Variants in THOC2 observed in about 807,000 individuals in gnomAD.
The protein encoded by THOC2 is THO complex 2.
THOC2 carries 10 observed loss-of-function variants against 128.4 expected under a neutral mutation model. That is an observed-to-expected ratio of 0.08 (90% CI 0.05 to 0.13). THOC2 has a LOEUF of 0.13. Among genes scored for constraint, THOC2 ranks in the 10% least tolerant of loss-of-function variants. The pLI, the probability that THOC2 is intolerant of heterozygous loss-of-function variation, is 1.00. For missense variants in THOC2, 535 were observed against 1,155.7 expected (o/e 0.46, Z 7.79); for synonymous variants, 393 against 396.9 (o/e 0.99, Z 0.12).
intron 32 of THOC2, chrX:123,619,801 GA>G (rs1364259051): frequency 1.5e-5 from 2 of 133,733 alleles, no homozygotes; most frequent in African/African-American, 6.4e-5. Context: ...CACTGTGGAA[GA>G]ACAACATTGC....
intron 14 of THOC2, 50 bp from the exon 15 acceptor site, chrX:123,644,726 T>C (rs772631233): frequency 8.6e-7 from 1 of 1,161,188 alleles, no homozygotes; most frequent in Admixed American, 2.3e-5. Context: ...CACTTAGAGG[T>C]TAATATACTA....
At chrX:123,609,944 G>A (rs189359474) in intron 38 of THOC2, among the ~76,000 whole-genome samples, 1 of 110,409 alleles carries the variant, frequency 9.1e-6, no homozygotes, top group Non-Finnish European at 1.9e-5. Context: ...CAGGAGAATC[G>A]CTTGGACCTG....
chrX:123,606,916 T>G (rs1177577628), intron 38 of THOC2, among the ~76,000 whole-genome samples: 1 of 111,690 alleles, frequency 9.0e-6, no homozygotes, highest in Non-Finnish European at 1.9e-5. Context: ...AAATGTCAGC[T>G]TAGCACAGCA....
intron 12 of THOC2, among the ~76,000 whole-genome samples, chrX:123,646,058 C>G (rs774098994): frequency 8.9e-6 from 1 of 111,777 alleles, no homozygotes; most frequent in South Asian, 3.7e-4. Flanking sequence ...TAATCAAACA[C>G]TAAAGCAACA....
intron 18 of THOC2, among the ~76,000 whole-genome samples, chrX:123,636,652 T>C (rs1323406614): frequency 9.0e-6 from 1 of 111,164 alleles, no homozygotes; most frequent in Non-Finnish European, 1.9e-5. Flanking sequence ...ATGCTACTAG[T>C]TGTGGAGGTG....
intron 8 of THOC2, among the ~76,000 whole-genome samples, chrX:123,680,234 A>G (rs958549456): frequency 8.9e-6 from 1 of 112,049 alleles, no homozygotes; most frequent in African/African-American, 3.2e-5. Flanking sequence ...GAGATAGGGG[A>G]AAACCGCCTT....
In THOC2 at chrX:123,613,706, A is replaced by G. The variant is rs991514674; in HGVS notation, c.4452T>C (p.Asp1484=). 6.6e-6 allele frequency: 8 copies of G among 1,206,897 alleles called. No individual in the cohort carries two copies. Among genetic ancestry groups the G allele is most frequent in the Non-Finnish European group, 9.0e-6 (8 of 892,918 alleles). ...GCACTTCACGGTCGTTGTTTGAGTG[A>G]TCCTAGAACCAAGAATTGTGAACTA... ...DEKDRKERKR[D]HSNNDREVPP... Residue 1484 remains aspartate, a splice_region_variant and synonymous_variant, in exon 35 of 39, where the codon GAT becomes GAC. Coordinates refer to ENST00000245838, the MANE Select transcript of THOC2 (RefSeq NM_001081550.2).
chrX:123,696,886 A>T, intron 5 of THOC2, 44 bp from the exon 6 acceptor site: 3 of 1,024,207 alleles, frequency 2.9e-6, no homozygotes, highest in Non-Finnish European at 3.9e-6. Flanking sequence ...TTAGCATTGC[A>T]TCCACAATGT....
chrX:123,678,288 T>C (rs188140102), intron 8 of THOC2, among the ~76,000 whole-genome samples: 1,537 of 104,339 alleles, frequency 0.015, 29 homozygotes, highest in African/African-American at 0.051. Flanking sequence ...TTTTTTGAGA[T>C]GGAGTCTTGC....
chrX:123,640,707 A>G (rs2047879762), intron 15 of THOC2, 85 bp from the exon 16 acceptor site: 1 of 500,970 alleles, frequency 2.0e-6, no homozygotes, highest in Non-Finnish European at 3.2e-6. Context: ...ATCGTGGGGG[A>G]AAAAGCAATT....
chrX:123,637,872 T>A (rs1360299134), intron 18 of THOC2, among the ~76,000 whole-genome samples, 171 bp downstream of exon 18: 1 of 112,284 alleles, frequency 8.9e-6, no homozygotes, highest in Non-Finnish European at 1.9e-5. Flanking sequence ...AAGTACCATA[T>A]CAACCTCCTT....
At chrX:123,720,571 A>G (rs1426878181) in intron 1 of THOC2, among the ~76,000 whole-genome samples, 1 of 112,307 alleles carries the variant, frequency 8.9e-6, no homozygotes, top group African/African-American at 3.2e-5. Context: ...TACTTATCCA[A>G]AAAAATTTAA....
chrX:123,660,835 T>C (rs1411843644), intron 12 of THOC2, among the ~76,000 whole-genome samples: 1 of 112,321 alleles, frequency 8.9e-6, no homozygotes, highest in Non-Finnish European at 1.9e-5. Flanking sequence ...GTAATCAATA[T>C]ATCAAAAGAA....
At chrX:123,606,830 A>G (rs1178608822) in intron 38 of THOC2, among the ~76,000 whole-genome samples, 2 of 111,408 alleles carry the variant, frequency 1.8e-5, no homozygotes, top group African/African-American at 6.5e-5. Context: ...GCTAACTGCT[A>G]ATGTTCTTTA....
At chrX:123,683,347 G>A (rs1569418744) in intron 8 of THOC2, among the ~76,000 whole-genome samples, 1 of 110,888 alleles carries the variant, frequency 9.0e-6, no homozygotes, top group Non-Finnish European at 1.9e-5. Flanking sequence ...CAACATATGA[G>A]TTGGGGAAAA....
At chrX:123,683,349 T>TG (rs2049867921) in intron 8 of THOC2, among the ~76,000 whole-genome samples, 1 of 110,600 alleles carries the variant, frequency 9.0e-6, no homozygotes. Context: ...ACATATGAGT[T>TG]GGGGAAAAGG....
At chrX:123,681,122 T>A (rs2049759566) in intron 8 of THOC2, among the ~76,000 whole-genome samples, 1 of 111,781 alleles carries the variant, frequency 8.9e-6, no homozygotes, top group Non-Finnish European at 1.9e-5. Flanking sequence ...AGGAACCGTA[T>A]TTCAAGGAAA....
At chrX:123,664,891 T>C (rs1290063501) in intron 12 of THOC2, among the ~76,000 whole-genome samples, 1 of 111,615 alleles carries the variant, frequency 9.0e-6, no homozygotes, top group Non-Finnish European at 1.9e-5. Context: ...AAAGAATGGG[T>C]CCTTAACAGT....
intron 38 of THOC2, chrX:123,602,268 A>G (rs771800351): frequency 3.5e-5 from 4 of 112,841 alleles, no homozygotes; most frequent in African/African-American, 1.3e-4. Flanking sequence ...GATATTATCA[A>G]TAACTGTGGA....
Sources: gnomAD v4.1 joint callset for allele counts (sites outside exome capture counted in the v4.1 genomes callset) on GRCh38, gnomAD v4.1.1 for gene constraint, MANE v1.5 for transcripts, NCBI Gene and HGNC (gene_info 2026-07-23, HGNC 2026-07-21) for gene names.